FST: variants seen among roughly 807,000 people sequenced by gnomAD.
FST encodes follistatin.
Under a neutral mutation model 38.4 loss-of-function variants are expected in FST, and 6 were observed. The observed-to-expected ratio is 0.16, with a 90% CI of 0.09 to 0.31. FST has a LOEUF of 0.31. Among genes scored for constraint, FST ranks in the 10% least tolerant of loss-of-function variants. FST has a pLI of 1.00. For missense variants in FST, 301 were observed against 432.3 expected, an observed-to-expected ratio of 0.70 and a Z score of 2.69; for synonymous variants, 157 against 169.8, an observed-to-expected ratio of 0.92 and a Z score of 0.59.
Position 53,483,759 on chromosome 5 carries a change from C to G in FST, c.496+37C>G. The G allele has an allele frequency of 6.8e-7, 1 of 1,474,408 alleles. No homozygotes were observed. The highest frequency in any genetic ancestry group is 9.5e-7 in the Non-Finnish European group (1 of 1,055,324). 91.3% of individuals were successfully genotyped at this position (1,474,408 alleles called of 1,614,324 possible). On this transcript the variant is annotated intron_variant, in intron 3 of 5. Transcript: ENST00000256759. This position sits in a 1 kb window ranked among gnomAD's most constrained non-coding sequence, Gnocchi z 4.1. Reference sequence around the variant, plus strand: ...CCTGTTGAGCAAGACTGGATCTGTCCCCTCCTCCAGCTTTGTACCTAAAGT... The same window carrying G: ...CCTGTTGAGCAAGACTGGATCTGTCGCCTCCTCCAGCTTTGTACCTAAAGT...
At position 53,480,765 on chromosome 5, in the gene FST, G is replaced by T; in HGVS notation, c.-27G>T. ...CCGCGCCGGCTCCCCGCGCCGCTGC[G>T]CTCCTCGCCCCGCGCCTGCCCCCAG... is the stretch of plus-strand genomic sequence containing the variant. On this transcript the variant is annotated 5_prime_UTR_variant, in exon 1 of 6. Coordinates refer to ENST00000256759, the MANE Select transcript of FST (RefSeq NM_013409.3). 1 of 1,238,106 alleles carries T rather than the reference G, an allele frequency of 8.1e-7. No individual in the cohort carries two copies. The highest frequency in any genetic ancestry group is 1.1e-6 in the Non-Finnish European group (1 of 942,988). The allele number at this position is 1,238,106 out of a possible 1,614,324, so 76.7% of individuals were successfully genotyped here. A position where few individuals can be genotyped will look rare whatever the true frequency, so the allele number is the denominator to read the frequency against.
chr5:53,484,856 A>AC (rs999616998), intron 4 of FST, 141 bp from the exon 5 acceptor site: 1 of 586,488 alleles, frequency 1.7e-6, no homozygotes, highest in African/African-American at 1.9e-5. Context: ...TATCTCCATT[A>AC]CCCCCATTAG....
chr5:53,485,805 CAAAAA>C, intron 5 of FST, 141 bp from the exon 6 acceptor site: 2 of 1,589,580 alleles, frequency 1.3e-6, no homozygotes, highest in Non-Finnish European at 1.7e-6. Context: ...ATGCCAAAAA[CAAAAA>C]AAGCATCTCA....
chr5:53,485,262 GC>G, intron 5 of FST, 35 bp downstream of exon 5: 1 of 1,114,884 alleles, frequency 9.0e-7, no homozygotes, highest in East Asian at 2.3e-5. Context: ...GCCATTTAAG[GC>G]TTTCCCAGGC....
chr5:53,483,928 C>G lies in FST; in HGVS notation c.497-141C>G. The G allele has an allele frequency of 4.1e-6, 3 of 733,204 alleles. No homozygotes were observed. Among genetic ancestry groups the G allele is most frequent in the South Asian group, 1.9e-5 (1 of 53,778 alleles). The allele number at this position is 733,204 out of a possible 1,614,324, so 45.4% of individuals were successfully genotyped here. On this transcript the variant is annotated intron_variant, in intron 3 of 5. Coordinates refer to ENST00000256759, the MANE Select transcript of FST (RefSeq NM_013409.3). The surrounding 1 kb of genome is among the most constrained non-coding windows in gnomAD (Gnocchi z 4.1). Reference sequence around the variant, plus strand: ...GAGGGGACCAACCTAGTCATAGATTCTCTCTTGAAAACTACAGGGCTCCCT... The same window carrying G: ...GAGGGGACCAACCTAGTCATAGATTGTCTCTTGAAAACTACAGGGCTCCCT...
intron 4 of FST, 119 bp downstream of exon 4, chr5:53,484,412 C>G (rs1747425793): frequency 9.6e-7 from 1 of 1,045,262 alleles, no homozygotes; most frequent in South Asian, 1.7e-5. Context: ...GAGAAATACG[C>G]TGCAATTTGG....
chr5:53,483,664 A>G lies in FST; in HGVS notation c.438A>G (p.Leu146=). ...CCTACCGCAATGAATGTGCACTCCT[A>G]AAGGCAAGATGTAAAGAGCAGCCAG... ...GKTYRNECAL[L]KARCKEQPEL... is the part of the protein sequence containing the mutation. The change falls in exon 3 of 6, where the codon CTA becomes CTG. Residue 146 remains leucine (L), a synonymous_variant. Transcript: ENST00000256759. The surrounding 1 kb of genome is among the most constrained non-coding windows in gnomAD (Gnocchi z 4.1). 1.9e-6 allele frequency: 3 copies of G among 1,614,212 alleles called. No homozygotes were observed. Among genetic ancestry groups the G allele is most frequent in the South Asian group, 2.2e-5 (2 of 91,080 alleles).
At chr5:53,481,485 A>AAAAAAAC (rs1451000751) in intron 1 of FST, among the ~76,000 whole-genome samples, 1 of 143,764 alleles carries the variant, frequency 7.0e-6, no homozygotes, top group African/African-American at 2.5e-5. Flanking sequence ...AAAAAAAAAA[A>AAAAAAAC]AGCCAAATTA....
In FST at chr5:53,485,781, T is replaced by C. The variant is rs935677496; in HGVS notation, c.953-170T>C. 8.8e-6 allele frequency: 14 copies of C among 1,596,804 alleles called. No homozygotes were observed. In the Admixed American group the frequency reaches 1.5e-4, roughly 17 times the overall value. ...GCTTTAAAAAAATTTTTTTAACTTATTGCATAACAGCAGATGCCAAAAACA... is the reference window on the plus strand; with the variant it reads ...GCTTTAAAAAAATTTTTTTAACTTACTGCATAACAGCAGATGCCAAAAACA... On this transcript the variant is annotated intron_variant, in intron 5 of 5. Coordinates refer to ENST00000256759, the MANE Select transcript of FST (RefSeq NM_013409.3).
At chr5:53,484,042 T>C in intron 3 of FST, 27 bp from the exon 4 acceptor site, 1 of 1,598,350 alleles carries the variant, frequency 6.3e-7, no homozygotes, top group Non-Finnish European at 8.6e-7. Flanking sequence ...AGGTACCTAT[T>C]CATGTGTGTT....
chr5:53,482,172 C>CT (rs951191394), intron 1 of FST, among the ~76,000 whole-genome samples: 1 of 152,216 alleles, frequency 6.6e-6, no homozygotes, highest in Non-Finnish European at 1.5e-5. Flanking sequence ...GGCCGGGTTG[C>CT]TTTTTTGCTT....
intron 1 of FST, 59 bp from the exon 2 acceptor site, chr5:53,482,821 C>A: frequency 9.0e-7 from 1 of 1,109,180 alleles, no homozygotes; most frequent in Non-Finnish European, 1.3e-6. Flanking sequence ...CCTCGCTCTC[C>A]CTGCCCTGCC....
chr5:53,480,741 C>T lies in FST; in HGVS notation c.-51C>T. The T allele has an allele frequency of 2.7e-6, 2 of 731,386 alleles. No homozygotes were observed. Among genetic ancestry groups the T allele is most frequent in the Non-Finnish European group, 3.6e-6 (2 of 558,438 alleles). 45.3% of individuals were successfully genotyped at this position (731,386 alleles called of 1,614,324 possible). A position where few individuals can be genotyped will look rare whatever the true frequency, so the allele number is the denominator to read the frequency against. Reference sequence around the variant, plus strand: ...GCCGCTCGCCCGAGCCACCCGCCGCCGCGCCGGCTCCCCGCGCCGCTGCGC... The same window carrying T: ...GCCGCTCGCCCGAGCCACCCGCCGCTGCGCCGGCTCCCCGCGCCGCTGCGC... On this transcript the variant is annotated 5_prime_UTR_variant, in exon 1 of 6. Coordinates refer to ENST00000256759, the MANE Select transcript of FST (RefSeq NM_013409.3).
intron 5 of FST, 159 bp from the exon 6 acceptor site, chr5:53,485,792 C>A: frequency 6.3e-7 from 1 of 1,593,942 alleles, no homozygotes; most frequent in Non-Finnish European, 8.5e-7. Flanking sequence ...TGCATAACAG[C>A]AGATGCCAAA....
intron 1 of FST, among the ~76,000 whole-genome samples, chr5:53,482,518 G>A (rs1485290368): frequency 6.6e-6 from 1 of 151,956 alleles, no homozygotes; most frequent in Non-Finnish European, 1.5e-5. Flanking sequence ...GTTATGAAAT[G>A]GGACGAATAA....
At chr5:53,481,462 CAAAA>C (rs70983342) in intron 1 of FST, among the ~76,000 whole-genome samples, 10,809 of 47,786 alleles carry the variant, frequency 0.23, 693 homozygotes, top group Middle Eastern at 0.29. Context: ...CCCATTCTCG[CAAAA>C]AAAAAAAAAA....
chr5:53,482,776 C>A (rs961133293), intron 1 of FST, 104 bp from the exon 2 acceptor site: 41 of 646,320 alleles, frequency 6.3e-5, no homozygotes, highest in Non-Finnish European at 9.6e-5. Flanking sequence ...ACGCTCACCC[C>A]CTCCCCATCC....
intron 1 of FST, 92 bp from the exon 2 acceptor site, chr5:53,482,788 C>A: frequency 1.4e-6 from 1 of 704,144 alleles, no homozygotes; most frequent in South Asian, 1.9e-5. Flanking sequence ...TCCCCATCCC[C>A]GCCGGGTCTC....
At position 53,484,237 on chromosome 5, in the gene FST, A is replaced by G; in HGVS notation, c.665A>G (p.Lys222Arg). Residue 222 changes from lysine (K) to arginine (R), a missense_variant, in exon 4 of 6, where the codon AAG becomes AGG. Coordinates refer to ENST00000256759, the MANE Select transcript of FST (RefSeq NM_013409.3). ...VTYSSACHLR[K>R]ATCLLGRSIG... ...TACTCCAGTGCCTGCCACCTGAGAA[A>G]GGCTACCTGCCTGCTGGGCAGATCT... The G allele has an allele frequency of 6.2e-7, 1 of 1,611,882 alleles. No individual in the cohort carries two copies. The highest frequency in any genetic ancestry group is 8.5e-7 in the Non-Finnish European group (1 of 1,177,844).
Sources: allele counts gnomAD v4.1 joint callset (sites outside exome capture counted in the v4.1 genomes callset), GRCh38; gene constraint gnomAD v4.1.1; non-coding constraint Gnocchi (gnomAD v3.1); transcripts MANE v1.5; gene names NCBI Gene and HGNC (gene_info 2026-07-23, HGNC 2026-07-21).